WRN: variants seen among roughly 807,000 people sequenced by gnomAD.
The protein encoded by WRN is bifunctional 3'-5' exonuclease/ATP-dependent helicase WRN.
Under a neutral mutation model 180.7 loss-of-function variants are expected in WRN, and 149 were observed. The observed-to-expected ratio is 0.82, with a 90% CI of 0.72 to 0.94. WRN has a LOEUF of 0.94. WRN is among the 40% of genes least tolerant of loss of function. The pLI is 0.00. For synonymous variants in WRN, 548 were observed against 568.9 expected (o/e 0.96, Z 0.52); for missense variants, 1,661 against 1,700.1 (o/e 0.98, Z 0.40).
At chr8:31,058,273 G>A (rs1812351896) in intron 1 of WRN, 99 bp from the exon 2 acceptor site, 1 of 587,998 alleles carries the variant, frequency 1.7e-6, no homozygotes, top group African/African-American at 1.9e-5. Context: ...TTTGTTTTGT[G>A]ATTCTAGCTC....
At chr8:31,088,221 A>T (rs757341377) in intron 12 of WRN, among the ~76,000 whole-genome samples, 36 of 152,290 alleles carry the variant, frequency 2.4e-4, no homozygotes, top group Non-Finnish European at 5.0e-4. Context: ...CTAACAATGA[A>T]CTTTTATTGT....
At chr8:31,166,887 A>G in intron 33 of WRN, 135 bp from the exon 34 acceptor site, 1 of 831,828 alleles carries the variant, frequency 1.2e-6, no homozygotes, top group Non-Finnish European at 1.9e-6. Context: ...GGCTATAGGC[A>G]TTTGAAAGAG....
chr8:31,084,301 G>A (rs1460465511), intron 10 of WRN, among the ~76,000 whole-genome samples: 3 of 151,924 alleles, frequency 2.0e-5, no homozygotes, highest in African/African-American at 7.3e-5. Flanking sequence ...ACCTGGCCTT[G>A]GATTTCATGA....
chr8:31,099,120 T>C (rs1238759942), intron 17 of WRN, among the ~76,000 whole-genome samples: 3 of 148,116 alleles, frequency 2.0e-5, no homozygotes, highest in Non-Finnish European at 4.5e-5. Context: ...AGGAAGGGGC[T>C]GGGAGTGGTG....
At chr8:31,167,958 C>G (rs1803963785) in intron 34 of WRN, among the ~76,000 whole-genome samples, 1 of 151,932 alleles carries the variant, frequency 6.6e-6, no homozygotes, top group Admixed American at 6.6e-5. Flanking sequence ...TGTTTCAATT[C>G]TTAGTTGGTA....
intron 13 of WRN, among the ~76,000 whole-genome samples, chr8:31,090,022 T>C (rs1813682659): frequency 6.6e-6 from 1 of 151,924 alleles, no homozygotes; most frequent in Admixed American, 6.6e-5. Flanking sequence ...TAAGGAAATA[T>C]AAAACTTTAA....
intron 18 of WRN, among the ~76,000 whole-genome samples, chr8:31,106,090 AT>A (rs1333999263): frequency 6.6e-6 from 1 of 151,994 alleles, no homozygotes; most frequent in Admixed American, 6.6e-5. Context: ...CAGCAGCTCC[AT>A]TGGCCAAAAT....
chr8:31,126,799 A>T (rs1473501574), intron 23 of WRN, among the ~76,000 whole-genome samples: 1 of 152,164 alleles, frequency 6.6e-6, no homozygotes, highest in East Asian at 1.9e-4. Context: ...TCAAAAGCTC[A>T]TTCTGTATAA....
Position 31,080,639 on chromosome 8 carries a change from T to A in WRN, c.840-228T>A, listed in dbSNP as rs890413316. ...TTTGGGACCAAGCACTACTGACTCT[T>A]AGTAAACATACAAGTCAACTGTTGG... On this transcript the variant is annotated intron_variant, in intron 8 of 34. Transcript: ENST00000298139. 1.7e-4 allele frequency among the ~76,000 whole-genome samples: 26 copies of A among 152,110 alleles called. 1 individual carries two copies. Among genetic ancestry groups the A allele is most frequent in the African/African-American group, 6.3e-4 (26 of 41,428 alleles).
chr8:31,095,289 A>T (rs1813918274), intron 16 of WRN, among the ~76,000 whole-genome samples: 1 of 152,120 alleles, frequency 6.6e-6, no homozygotes, highest in Admixed American at 6.5e-5. Context: ...GTGAGTTTTG[A>T]TAGTCATTTC....
At chr8:31,148,443 C>G (rs186654001) in intron 30 of WRN, among the ~76,000 whole-genome samples, 1 of 152,108 alleles carries the variant, frequency 6.6e-6, no homozygotes, top group African/African-American at 2.4e-5. Flanking sequence ...ATTCAAGGCC[C>G]TCTATTTATG....
chr8:31,140,816 C>T (rs985624733), intron 24 of WRN, among the ~76,000 whole-genome samples: 3 of 151,886 alleles, frequency 2.0e-5, no homozygotes, highest in Non-Finnish European at 4.4e-5. Flanking sequence ...AGTGCAGTGG[C>T]GTGATCTCGG....
chr8:31,111,728 C>G lies in WRN; in HGVS notation c.2202C>G (p.Asn734Lys). Residue 734 changes from asparagine to lysine, a missense_variant, in exon 19 of 35, where the codon AAC becomes AAG. By Grantham distance (94) the Asn-to-Lys change is moderately conservative. Around this residue, in one of 3 missense-constraint regions of WRN, gnomAD observed 1,141 missense variants for 1,149.4 expected, o/e 0.99. Coordinates refer to ENST00000298139, the MANE Select transcript of WRN (RefSeq NM_000553.6). ...QITCTGFDRP[N>K]LYLEVRRKTG... ...CCTGTACTGGTTTTGATCGACCAAA[C>G]CTGTATTTAGAAGTTAGGCGAAAAA... The G allele has an allele frequency of 6.2e-7, 1 of 1,614,066 alleles. No homozygotes were observed. Among genetic ancestry groups the G allele is most frequent in the Non-Finnish European group, 8.5e-7 (1 of 1,179,990 alleles).
At chr8:31,130,510 G>T (rs1375934510) in intron 23 of WRN, among the ~76,000 whole-genome samples, 1 of 151,990 alleles carries the variant, frequency 6.6e-6, no homozygotes, top group Non-Finnish European at 1.5e-5. Context: ...TCTACCCAAA[G>T]GGTGACTTAG....
chr8:31,120,190 G>A, intron 20 of WRN, 53 bp from the exon 21 acceptor site: 1 of 1,602,552 alleles, frequency 6.2e-7, no homozygotes. Flanking sequence ...ATAAATGTAA[G>A]GTTTTCATTC....
chr8:31,073,441 A>T (rs1812982937), intron 7 of WRN, among the ~76,000 whole-genome samples: 1 of 152,224 alleles, frequency 6.6e-6, no homozygotes, highest in African/African-American at 2.4e-5. Flanking sequence ...TGGACAGATT[A>T]TGAGAAGAAC....
intron 1 of WRN, among the ~76,000 whole-genome samples, chr8:31,052,696 T>G: frequency 6.6e-6 from 1 of 152,242 alleles, no homozygotes; most frequent in East Asian, 1.9e-4. Flanking sequence ...TTTTTTAATT[T>G]GCTTTTTTCA....
rs1287391731 is a variant in WRN at position 31,172,896 on chromosome 8, G to C, written c.4192-99G>C. 3.1e-6 allele frequency: 3 copies of C among 968,972 alleles called. No homozygotes were observed. The African/African-American group carries it at 4.9e-5, about 16-fold the overall frequency. 60.0% of individuals were successfully genotyped at this position (968,972 alleles called of 1,614,324 possible). On this transcript the variant is annotated intron_variant, in intron 34 of 34. Coordinates refer to ENST00000298139, the MANE Select transcript of WRN (RefSeq NM_000553.6). ...TATTTTGTTTGGATGGGGGAGAAAGGATGGGTGTGTATTCAGGAACTTATG... is the reference window on the plus strand; with the variant it reads ...TATTTTGTTTGGATGGGGGAGAAAGCATGGGTGTGTATTCAGGAACTTATG...
At chr8:31,054,418 C>T (rs1473706960) in intron 1 of WRN, among the ~76,000 whole-genome samples, 1 of 151,984 alleles carries the variant, frequency 6.6e-6, no homozygotes, top group African/African-American at 2.4e-5. Context: ...GAGATGGGAT[C>T]TCACTATGTT....
Sources: gnomAD v4.1 joint callset for allele counts (sites outside exome capture counted in the v4.1 genomes callset) on GRCh38, gnomAD v4.1.1 for gene constraint, gnomAD v4.1.1 regional missense constraint, MANE v1.5 for transcripts, NCBI Gene and HGNC (gene_info 2026-07-23, HGNC 2026-07-21) for gene names.